The following GPT2 variants were observed in gnomAD, a reference collection of about 807,000 sequenced individuals.
GPT2 encodes alanine aminotransferase 2.
GPT2 carries 30 observed loss-of-function variants against 56.9 expected under a neutral mutation model. The observed-to-expected ratio is 0.53, with a 90% CI of 0.39 to 0.72. The LOEUF (loss-of-function observed/expected upper bound fraction) is 0.72, where lower values mean the gene tolerates loss of function less well. Ranked by LOEUF, GPT2 falls within the 30% of genes least tolerant of loss-of-function variation. The probability of loss-of-function intolerance (pLI) is 0.00; values close to 1 mark genes in which losing one functional copy is unlikely to be tolerated. For missense variants in GPT2, 542 were observed against 703.4 expected, an observed-to-expected ratio of 0.77 and a Z score of 2.60; for synonymous variants, 271 against 283.1, an observed-to-expected ratio of 0.96 and a Z score of 0.43.
chr16:46,929,111 C>A lies in GPT2; in HGVS notation c.*114C>A, dbSNP rs1961478944. On this transcript the variant is annotated 3_prime_UTR_variant, in exon 12 of 12. Coordinates refer to ENST00000340124, the MANE Select transcript of GPT2 (RefSeq NM_133443.4). Reference sequence around the variant, plus strand: ...CGGGCCTCGCAGAGGCCGCTGGTCACTTCGTCATCATTTTGCCCCTGGAGA... The same window carrying A: ...CGGGCCTCGCAGAGGCCGCTGGTCAATTCGTCATCATTTTGCCCCTGGAGA... 1 of 755,994 alleles carries A rather than the reference C, an allele frequency of 1.3e-6. No individual in the cohort carries two copies. Among genetic ancestry groups the A allele is most frequent in the East Asian group, 2.6e-5 (1 of 38,332 alleles). The allele number at this position is 755,994 out of a possible 1,614,324, so 46.8% of individuals were successfully genotyped here. A position where few individuals can be genotyped will look rare whatever the true frequency, so the allele number is the denominator to read the frequency against.
At chr16:46,912,315 C>G (rs1197881072) in intron 6 of GPT2, among the ~76,000 whole-genome samples, 1 of 152,176 alleles carries the variant, frequency 6.6e-6, no homozygotes, top group Non-Finnish European at 1.5e-5. Context: ...TCAGCTGTAC[C>G]TTCCTCTGGG....
chr16:46,887,577 GTGGCCTGGCT>G (rs1960508853), intron 2 of GPT2, among the ~76,000 whole-genome samples: 1 of 152,164 alleles, frequency 6.6e-6, no homozygotes, highest in Non-Finnish European at 1.5e-5. Context: ...ATAAACAGAT[GTGGCCTGGCT>G]GGGCCTGGCT....
intron 2 of GPT2, among the ~76,000 whole-genome samples, chr16:46,892,085 A>G (rs1960597971): frequency 1.3e-5 from 2 of 151,930 alleles, no homozygotes; most frequent in African/African-American, 4.8e-5. Context: ...CACTCCCCCA[A>G]CCCCACTGCT....
intron 4 of GPT2, among the ~76,000 whole-genome samples, chr16:46,904,555 G>T (rs117912347): frequency 2.6e-5 from 4 of 152,178 alleles, no homozygotes; most frequent in African/African-American, 9.7e-5. Flanking sequence ...GGAGCATAAC[G>T]TGAGATCTGA....
rs143481245 is a variant in GPT2, at chr16:46,903,388, A to G, written c.442+2598A>G. On this transcript the variant is annotated intron_variant, in intron 4 of 11. Coordinates refer to ENST00000340124, the MANE Select transcript of GPT2 (RefSeq NM_133443.4). ...CAGTGGTGCAATCATAGCTCACTGT[A>G]ACCTTGACCTCCTGGGCTCAAGCAG... Among the ~76,000 whole-genome samples, 201 of 151,860 alleles carry G rather than the reference A, an allele frequency of 1.3e-3. 1 individual carries two copies. Among genetic ancestry groups the G allele is most frequent in the African/African-American group, 4.7e-3 (194 of 41,400 alleles).
At chr16:46,920,226 GGAAGGCTGAGGGT>G (rs1267617296) in intron 8 of GPT2, among the ~76,000 whole-genome samples, 1 of 152,234 alleles carries the variant, frequency 6.6e-6, no homozygotes, top group Non-Finnish European at 1.5e-5. Context: ...CAACAGATGA[GGAAGGCTGAGGGT>G]GAAGCAGGTT....
At position 46,918,714 on chromosome 16, in the gene GPT2, G is replaced by A; in HGVS notation, c.994G>A (p.Glu332Lys). ...GGGGCCCGAGTACTCCAGCAACGTG[G>A]AGCTCGCCTCCTTCCACTCCACCTC... ...EMGPEYSSNV[E>K]LASFHSTSKG... Residue 332 changes from glutamate (E) to lysine (K), a missense_variant, in exon 8 of 12, where the codon GAG (glutamate) becomes AAG (lysine). Physicochemically the swap from Glu to Lys is moderately conservative, Grantham distance 56. Coordinates refer to ENST00000340124, the MANE Select transcript of GPT2 (RefSeq NM_133443.4). The A allele has an allele frequency of 6.2e-7, 1 of 1,614,222 alleles. No homozygotes were observed. The highest frequency in any genetic ancestry group is 8.5e-7 in the Non-Finnish European group (1 of 1,180,036).
At chr16:46,907,882 GGC>G (rs1157160140) in intron 5 of GPT2, among the ~76,000 whole-genome samples, 1 of 152,246 alleles carries the variant, frequency 6.6e-6, no homozygotes. Context: ...GGAGGGCTGG[GGC>G]CAGTGGTTAC....
chr16:46,916,601 A>G, intron 6 of GPT2, 27 bp from the exon 7 acceptor site: 1 of 1,566,786 alleles, frequency 6.4e-7, no homozygotes, highest in Non-Finnish European at 8.8e-7. Context: ...TACAACCGAC[A>G]TTTTGGTTTT....
At chr16:46,904,819 G>T (rs1026527069) in intron 4 of GPT2, among the ~76,000 whole-genome samples, 3 of 152,122 alleles carry the variant, frequency 2.0e-5, no homozygotes, top group Admixed American at 2.0e-4. Context: ...TCACCTATTG[G>T]GGGAGGGCTC....
chr16:46,926,124 C>G (rs1248351558), intron 10 of GPT2, among the ~76,000 whole-genome samples: 5 of 86,570 alleles, frequency 5.8e-5, no homozygotes, highest in Non-Finnish European at 1.1e-4. Flanking sequence ...GAGTGAGACT[C>G]TGTCTCAAAA....
Position 46,884,911 on chromosome 16 carries a change from G to A in GPT2, c.196G>A (p.Gly66Arg). 1 of 1,540,278 alleles carries A rather than the reference G, an allele frequency of 6.5e-7. No individual in the cohort carries two copies. The highest frequency in any genetic ancestry group is 8.8e-7 in the Non-Finnish European group (1 of 1,142,588). ...QVKAVEYAVR[G>R]PIVLKAGEIE... ...GAAGGCGGTGGAGTACGCCGTGCGG[G>A]GACCCATCGTGCTCAAGGCCGGCGA... The change falls in exon 2 of 12, where the codon GGA (glycine) becomes AGA (arginine). Residue 66 changes from glycine (G) to arginine (R), a missense_variant. Physicochemically the swap from Gly to Arg is moderately radical, Grantham distance 125. Transcript: ENST00000340124.
chr16:46,907,140 T>A (rs564438059), intron 5 of GPT2, among the ~76,000 whole-genome samples, 165 bp downstream of exon 5: 1 of 152,284 alleles, frequency 6.6e-6, no homozygotes, highest in East Asian at 1.9e-4. Context: ...CCTCTTTTAG[T>A]CTTCATGAGC....
chr16:46,927,825 G>T (rs1348125586), intron 11 of GPT2, among the ~76,000 whole-genome samples: 1 of 152,076 alleles, frequency 6.6e-6, no homozygotes, highest in Non-Finnish European at 1.5e-5. Context: ...TTAAGCAAGA[G>T]GGCTGCCAGG....
At chr16:46,907,966 C>T (rs1441759662) in intron 5 of GPT2, among the ~76,000 whole-genome samples, 5 of 151,330 alleles carry the variant, frequency 3.3e-5, no homozygotes, top group African/African-American at 1.2e-4. Context: ...CTGGTGGAGC[C>T]TGCAGTCCTG....
rs1960454039 is a variant in GPT2, at chr16:46,884,938, A to C, written c.223A>C (p.Ile75Leu). 1.3e-6 allele frequency: 2 copies of C among 1,524,228 alleles called. No individual in the cohort carries two copies. The highest frequency in any genetic ancestry group is 8.8e-7 in the Non-Finnish European group (1 of 1,133,474). The allele number at this position is 1,524,228 out of a possible 1,614,324, so 94.4% of individuals were successfully genotyped here. Reference sequence around the variant, plus strand: ...ACCCATCGTGCTCAAGGCCGGCGAGATCGAGCTCGAGCTGCAGCGGGTGAG... The same window carrying C: ...ACCCATCGTGCTCAAGGCCGGCGAGCTCGAGCTCGAGCTGCAGCGGGTGAG... ...RGPIVLKAGE[I>L]ELELQRGIKK... Residue 75 changes from isoleucine to leucine, a missense_variant, in exon 2 of 12, where the codon ATC becomes CTC. Ile to Leu is a conservative substitution (Grantham distance 5). Coordinates refer to ENST00000340124, the MANE Select transcript of GPT2 (RefSeq NM_133443.4).
At position 46,909,908 on chromosome 16, in the gene GPT2, CA is replaced by C. The variant is rs1457792945; in HGVS notation, c.803del (p.Asn268ThrfsTer15). ...GTGATCCTAAGGTGCTCTGCATAAT[CA>C]ACCCTGGGAACCCCACAGGTCTGCA... ...HCDPKVLCII[N>X]PGNPTGQVQS... On this transcript the variant is annotated frameshift_variant, in exon 6 of 12. Coordinates refer to ENST00000340124, the MANE Select transcript of GPT2 (RefSeq NM_133443.4). LOFTEE classifies it high-confidence loss of function. The C allele has an allele frequency of 6.2e-7, 1 of 1,611,488 alleles. No homozygotes were observed. Among genetic ancestry groups the C allele is most frequent in the Non-Finnish European group, 8.5e-7 (1 of 1,178,242 alleles).
chr16:46,888,135 G>A (rs12598707), intron 2 of GPT2, among the ~76,000 whole-genome samples: 151,019 of 152,364 alleles, frequency 0.99, 74,850 homozygotes, highest in Middle Eastern at 1. Context: ...CTTTGCTTCT[G>A]GTTGTAAGGC....
intron 4 of GPT2, among the ~76,000 whole-genome samples, chr16:46,905,509 C>A (rs1960906537): frequency 6.6e-6 from 1 of 152,118 alleles, no homozygotes; most frequent in African/African-American, 2.4e-5. Flanking sequence ...TCTTTAAATG[C>A]AGTGTAAAAT....
Sources: allele counts gnomAD v4.1 joint callset (sites outside exome capture counted in the v4.1 genomes callset), GRCh38; gene constraint gnomAD v4.1.1; transcripts MANE v1.5; gene names NCBI Gene and HGNC (gene_info 2026-07-23, HGNC 2026-07-21).